FNTA: variants seen among roughly 807,000 people sequenced by gnomAD.
The protein encoded by FNTA is farnesyltransferase, CAAX box, subunit alpha.
In FNTA, 27 loss-of-function variants were observed where a neutral mutation model predicts 55.2. That is an observed-to-expected ratio of 0.49 (90% CI 0.36 to 0.67). The LOEUF is 0.67. Ranked by LOEUF, FNTA falls within the 30% of genes least tolerant of loss-of-function variation. The pLI is 0.00. For missense variants in FNTA, 422 were observed against 464.7 expected (o/e 0.91, Z 0.85); for synonymous variants, 176 against 170.7 (o/e 1.03, Z -0.24).
intron 5 of FNTA, among the ~76,000 whole-genome samples, chr8:43,074,783 A>C (rs1041973618): frequency 2.0e-5 from 3 of 152,324 alleles, no homozygotes; most frequent in African/African-American, 7.2e-5. Flanking sequence ...ATAAAGGGGT[A>C]GCATGAGGTA....
intron 6 of FNTA, chr8:43,078,803 G>A (rs987166515): frequency 2.6e-5 from 4 of 152,270 alleles, no homozygotes; most frequent in African/African-American, 9.6e-5. Context: ...GCTGAGATAG[G>A]TCCAAAGCTA....
chr8:43,059,685 G>C (rs992142538), intron 2 of FNTA, among the ~76,000 whole-genome samples: 10 of 152,152 alleles, frequency 6.6e-5, no homozygotes, highest in African/African-American at 2.4e-4. Context: ...TCGTGGAAAT[G>C]TTAATTGTTA....
At chr8:43,082,268 T>G (rs1283792121) in intron 6 of FNTA, 2 of 152,260 alleles carry the variant, frequency 1.3e-5, no homozygotes, top group Non-Finnish European at 2.9e-5. Context: ...GCACCCATTT[T>G]GACAGGGAAT....
At chr8:43,066,627 T>A (rs1219245934) in intron 3 of FNTA, among the ~76,000 whole-genome samples, 1 of 151,024 alleles carries the variant, frequency 6.6e-6, no homozygotes, top group African/African-American at 2.4e-5. Context: ...ATTTCATGGA[T>A]GTGAGATCTT....
At chr8:43,058,832 A>C in intron 1 of FNTA, 1 of 327,716 alleles carries the variant, frequency 3.1e-6, no homozygotes, top group Admixed American at 4.8e-5. Context: ...TTATTTTTCT[A>C]CTTATAAAAC....
At chr8:43,059,030 A>T in intron 1 of FNTA, 62 bp from the exon 2 acceptor site, 1 of 1,195,168 alleles carries the variant, frequency 8.4e-7, no homozygotes, top group Non-Finnish European at 1.2e-6. Context: ...TTTTAAAAAC[A>T]CTAGAGTCCC....
intron 2 of FNTA, chr8:43,063,381 T>G (rs1451597061): frequency 2.2e-6 from 1 of 453,206 alleles, no homozygotes; most frequent in Admixed American, 2.4e-5. Flanking sequence ...ATAAATATCC[T>G]TGAATACTTG....
intron 2 of FNTA, among the ~76,000 whole-genome samples, chr8:43,059,689 A>C (rs917515070): frequency 3.3e-5 from 5 of 152,154 alleles, no homozygotes; most frequent in African/African-American, 1.2e-4. Flanking sequence ...GGAAATGTTA[A>C]TTGTTAGTTC....
At chr8:43,068,769 A>G (rs147457621) in intron 3 of FNTA, among the ~76,000 whole-genome samples, 2,195 of 152,186 alleles carry the variant, frequency 0.014, 58 homozygotes, top group African/African-American at 0.048. Context: ...CTGGAGTGCA[A>G]TGGCGTGATC....
At chr8:43,071,412 T>C (rs1227112884) in intron 4 of FNTA, among the ~76,000 whole-genome samples, 4 of 152,190 alleles carry the variant, frequency 2.6e-5, no homozygotes, top group Non-Finnish European at 5.9e-5. Flanking sequence ...GGCTCACGTC[T>C]GTAATCCCAG....
In FNTA at chr8:43,085,425, C is replaced by T. The variant is rs548466550; in HGVS notation, c.*143C>T. On this transcript the variant is annotated 3_prime_UTR_variant, in exon 9 of 9. Coordinates refer to ENST00000302279, the MANE Select transcript of FNTA (RefSeq NM_002027.3). ...TTGCTTTTTAACAAGAACTGATGCTCCTTGGGTGCTGCTGCTACTCAGACT... is the reference window on the plus strand; with the variant it reads ...TTGCTTTTTAACAAGAACTGATGCTTCTTGGGTGCTGCTGCTACTCAGACT... 2 of 706,086 alleles carry T rather than the reference C, an allele frequency of 2.8e-6. No individual in the cohort carries two copies. The highest frequency in any genetic ancestry group is 3.2e-5 in the Admixed American group (1 of 31,118). The allele number at this position is 706,086 out of a possible 1,614,324, so 43.7% of individuals were successfully genotyped here. A position where few individuals can be genotyped will look rare whatever the true frequency, so the allele number is the denominator to read the frequency against.
chr8:43,083,145 A>G lies in FNTA; in HGVS notation c.810A>G (p.Val270=), dbSNP rs1474442481. 6.3e-7 allele frequency: 1 copy of G among 1,587,482 alleles called. No homozygotes were observed. The highest frequency in any genetic ancestry group is 8.6e-7 in the Non-Finnish European group (1 of 1,168,650). ...VQYTLEMIKL[V]PHNESAWNYL... ...ACACTCTGGAAATGATTAAACTAGT[A>G]CCACATAATGAAAGTGCATGGAACT... The change falls in exon 7 of 9, where the codon GTA becomes GTG. Residue 270 remains valine (V), a synonymous_variant. Transcript: ENST00000302279.
At chr8:43,066,972 T>G (rs1239762877) in intron 3 of FNTA, among the ~76,000 whole-genome samples, 1 of 152,252 alleles carries the variant, frequency 6.6e-6, no homozygotes, top group Non-Finnish European at 1.5e-5. Flanking sequence ...TCTCACTGTT[T>G]AGGATACCAA....
At chr8:43,070,929 A>G (rs1810773848) in intron 4 of FNTA, among the ~76,000 whole-genome samples, 1 of 152,208 alleles carries the variant, frequency 6.6e-6, no homozygotes, top group South Asian at 2.1e-4. Flanking sequence ...CTCACCAGCA[A>G]CCTGGAAAAA....
In FNTA at chr8:43,065,232, T is replaced by C. The variant is rs192218881; in HGVS notation, c.401+1017T>C. Among the ~76,000 whole-genome samples, 268 of 152,216 alleles carry C rather than the reference T, an allele frequency of 1.8e-3. 1 individual carries two copies. The highest frequency in any genetic ancestry group is 2.8e-3 in the Non-Finnish European group (191 of 68,004). ...ATGAGCACTCAATTTATGTTCATGC[T>C]GACACACTTTTTTTTTTTTGTTTGT... On this transcript the variant is annotated intron_variant, in intron 3 of 8. Coordinates refer to ENST00000302279, the MANE Select transcript of FNTA (RefSeq NM_002027.3).
At chr8:43,083,070 A>T in intron 6 of FNTA, 48 bp from the exon 7 acceptor site, 1 of 1,148,998 alleles carries the variant, frequency 8.7e-7, no homozygotes, top group Middle Eastern at 2.7e-4. Flanking sequence ...ACTGTGTCTC[A>T]TCATTGCACT....
At chr8:43,076,253 A>G (rs1156516023) in intron 5 of FNTA, among the ~76,000 whole-genome samples, 2 of 152,076 alleles carry the variant, frequency 1.3e-5, no homozygotes, top group Admixed American at 6.5e-5. Flanking sequence ...CATGTTGGCC[A>G]GGTTGGTCTC....
intron 6 of FNTA, 28 bp downstream of exon 6, chr8:43,077,392 C>T (rs777985107): frequency 1.0e-4 from 163 of 1,577,406 alleles, no homozygotes; most frequent in Non-Finnish European, 1.3e-4. Flanking sequence ...CTTGCTCATT[C>T]GTTACAAACA....
At chr8:43,070,475 C>T (rs1226679379) in intron 4 of FNTA, 2 of 152,136 alleles carry the variant, frequency 1.3e-5, no homozygotes, top group Admixed American at 1.3e-4. Flanking sequence ...GTTATTTACC[C>T]TGTGGAATTA....
Sources: allele counts gnomAD v4.1 joint callset (sites outside exome capture counted in the v4.1 genomes callset), GRCh38; gene constraint gnomAD v4.1.1; transcripts MANE v1.5; gene names NCBI Gene and HGNC (gene_info 2026-07-23, HGNC 2026-07-21).